Variants in SPRR2G observed in about 807,000 individuals in gnomAD.
SPRR2G encodes small proline rich protein 2G.
In SPRR2G, 1 loss-of-function variant was observed where a neutral mutation model predicts 0.7. The ratio of observed to expected loss-of-function variants is 1.49; its 90% CI spans 0.53 to 7.06. SPRR2G has a LOEUF of 7.06. SPRR2G is among the 30% of genes most tolerant of loss of function. The pLI is 0.14. For missense variants in SPRR2G, 96 were observed against 88.5 expected (o/e 1.09, Z -0.34); for synonymous variants, 38 against 33.9 (o/e 1.12, Z -0.42).
At chr1:153,156,794 A>G in the SPRR2G span, among the ~76,000 whole-genome samples, 1 of 152,166 alleles carries the variant, frequency 6.6e-6, no homozygotes, top group East Asian at 1.9e-4. Flanking sequence ...ATTTGGGGAG[A>G]GAGGTAAAGA....
the SPRR2G span, among the ~76,000 whole-genome samples, chr1:153,171,557 T>G: frequency 4.6e-5 from 7 of 152,222 alleles, no homozygotes; most frequent in African/African-American, 1.4e-4. Flanking sequence ...CTACCACCAC[T>G]CACCACTACG....
At chr1:153,166,051 T>C in the SPRR2G span, among the ~76,000 whole-genome samples, 1 of 152,182 alleles carries the variant, frequency 6.6e-6, no homozygotes, top group South Asian at 2.1e-4. Flanking sequence ...GCTAATGCTC[T>C]TACTCACCCA....
chr1:153,167,179 A>C, the SPRR2G span, among the ~76,000 whole-genome samples: 1 of 152,214 alleles, frequency 6.6e-6, no homozygotes, highest in South Asian at 2.1e-4. Context: ...TTTTGGAAAA[A>C]AAATAAAATC....
chr1:153,153,650 G>A (rs1425784348), upstream of SPRR2G, among the ~76,000 whole-genome samples: 1 of 152,036 alleles, frequency 6.6e-6, no homozygotes, highest in East Asian at 1.9e-4. Context: ...GTAGAAGACA[G>A]GCGAGTGGAA....
At chr1:153,166,220 A>T in the SPRR2G span, among the ~76,000 whole-genome samples, 813 of 152,294 alleles carry the variant, frequency 5.3e-3, 12 homozygotes, top group Middle Eastern at 0.02. Context: ...AGATTTTCCA[A>T]GGACAGTCTC....
chr1:153,178,018 T>C, the SPRR2G span, among the ~76,000 whole-genome samples: 1 of 152,276 alleles, frequency 6.6e-6, no homozygotes, highest in East Asian at 1.9e-4. Flanking sequence ...TTTCTCCAGA[T>C]TGTTTTATTA....
the SPRR2G span, among the ~76,000 whole-genome samples, chr1:153,198,898 T>A: frequency 6.6e-6 from 1 of 152,114 alleles, no homozygotes; most frequent in Non-Finnish European, 1.5e-5. Flanking sequence ...GTGCAGGTGA[T>A]GTTGAAAGGA....
At chr1:153,191,038 G>C in the SPRR2G span, 60 of 152,336 alleles carry the variant, frequency 3.9e-4, 1 homozygote, top group African/African-American at 1.4e-3. Flanking sequence ...AAGGACCCTA[G>C]AGGCAATCAG....
At chr1:153,160,035 T>C in the SPRR2G span, among the ~76,000 whole-genome samples, 128 of 152,314 alleles carry the variant, frequency 8.4e-4, no homozygotes, top group Non-Finnish European at 1.4e-3. Context: ...ACTGAAACTT[T>C]ATACCCACTG....
In SPRR2G at chr1:153,149,926, G is replaced by T. The variant is rs879736900; in HGVS notation, c.185C>A (p.Pro62Gln). 1.2e-6 allele frequency: 2 copies of T among 1,614,058 alleles called. No individual in the cohort carries two copies. Among genetic ancestry groups the T allele is most frequent in the Non-Finnish European group, 1.7e-6 (2 of 1,180,014 alleles). Residue 62 changes from proline (P) to glutamine (Q), a missense_variant, in exon 2 of 2, where the codon CCA becomes CAA. Pro to Gln is a moderately conservative substitution (Grantham distance 76). Transcript: ENST00000368748. ...GGGTGGATACTTCTGCTGGCAGGGT[G>T]GGTATGGTTGCACAGGAGGGCATTT... is the stretch of plus-strand genomic sequence containing the variant. Reference protein sequence around the residue: ...QDKCPPVQPYPPCQQKYPPKS... With the variant: ...QDKCPPVQPYQPCQQKYPPKS...
At chr1:153,179,949 G>A in the SPRR2G span, among the ~76,000 whole-genome samples, 1,017 of 152,242 alleles carry the variant, frequency 6.7e-3, 17 homozygotes, top group African/African-American at 0.022. Context: ...CTAGAGAAAA[G>A]TCTGAAGACC....
chr1:153,157,512 T>C, the SPRR2G span, among the ~76,000 whole-genome samples: 1 of 152,192 alleles, frequency 6.6e-6, no homozygotes, highest in Non-Finnish European at 1.5e-5. Flanking sequence ...TAAAAACTCA[T>C]GCACATTTAA....
chr1:153,150,184 A>C, intron 1 of SPRR2G, 53 bp from the exon 2 acceptor site: 1 of 1,597,314 alleles, frequency 6.3e-7, no homozygotes, highest in East Asian at 2.2e-5. Context: ...CTGTTGGTGG[A>C]GCAATTAGCT....
At chr1:153,190,733 C>A in the SPRR2G span, 19 of 144,850 alleles carry the variant, frequency 1.3e-4, no homozygotes, top group African/African-American at 4.4e-4. Context: ...TGCCAGAATT[C>A]TTTACAGCAC....
the SPRR2G span, among the ~76,000 whole-genome samples, chr1:153,201,678 C>A: frequency 1.3e-5 from 2 of 152,330 alleles, no homozygotes. Flanking sequence ...CCAACCCATT[C>A]TCCTCTTTTA....
the SPRR2G span, among the ~76,000 whole-genome samples, chr1:153,159,911 C>T: frequency 6.6e-6 from 1 of 152,134 alleles, no homozygotes; most frequent in Non-Finnish European, 1.5e-5. Flanking sequence ...TGAAATGTGG[C>T]AATTACAGTT....
At chr1:153,170,356 C>A in the SPRR2G span, among the ~76,000 whole-genome samples, 24 of 152,074 alleles carry the variant, frequency 1.6e-4, no homozygotes, top group Non-Finnish European at 2.9e-4. Context: ...TTATGGCTCA[C>A]AAAAAGCTGT....
upstream of SPRR2G, among the ~76,000 whole-genome samples, chr1:153,151,114 G>A (rs1656459023): frequency 6.6e-6 from 1 of 152,220 alleles, no homozygotes; most frequent in African/African-American, 2.4e-5. Flanking sequence ...GGCAATTGTA[G>A]AACGTGACAA....
the SPRR2G span, among the ~76,000 whole-genome samples, chr1:153,193,793 C>T: frequency 6.6e-6 from 1 of 152,092 alleles, no homozygotes; most frequent in Admixed American, 6.5e-5. Flanking sequence ...TTAGACCTGC[C>T]TCCATATCCC....
Sources: gnomAD v4.1 joint callset for allele counts (sites outside exome capture counted in the v4.1 genomes callset) on GRCh38, gnomAD v4.1.1 for gene constraint, MANE v1.5 for transcripts, NCBI Gene and HGNC (gene_info 2026-07-23, HGNC 2026-07-21) for gene names.